The following DNMBP variants were observed in gnomAD, a reference collection of about 807,000 sequenced individuals.
The protein encoded by DNMBP is dynamin-binding protein.
A neutral mutation model predicts 150.0 loss-of-function variants in DNMBP; 87 were observed. That is an observed-to-expected ratio of 0.58 (90% CI 0.49 to 0.69). The LOEUF is 0.69. DNMBP is among the 30% of genes least tolerant of loss of function. The probability of loss-of-function intolerance (pLI) is 0.00; values close to 1 mark genes in which losing one functional copy is unlikely to be tolerated. For synonymous variants in DNMBP, 711 were observed against 750.4 expected (o/e 0.95, Z 0.86); for missense variants, 1,774 against 1,949.0 (o/e 0.91, Z 1.69).
intron 4 of DNMBP, among the ~76,000 whole-genome samples, chr10:99,912,138 CTGAGGTTATATAG>C (rs1307397759): frequency 6.6e-6 from 1 of 152,136 alleles, no homozygotes; most frequent in East Asian, 1.9e-4. Context: ...ACAAACTTGT[CTGAGGTTATATAG>C]TGAGTAAATG....
rs2040130976 is a variant in DNMBP, at chr10:99,930,055, C to T, written c.2261-20909G>A. 4 of 702,968 alleles carry T rather than the reference C, an allele frequency of 5.7e-6. No individual in the cohort carries two copies. In the Admixed American group the frequency reaches 8.0e-5, roughly 14 times the overall value. 43.5% of individuals were successfully genotyped at this position (702,968 alleles called of 1,614,324 possible). A position where few individuals can be genotyped will look rare whatever the true frequency, so the allele number is the denominator to read the frequency against. On this transcript the variant is annotated intron_variant, in intron 4 of 16. Transcript: ENST00000324109. ...TCATTTTGATGAACATTCCTGTCCC[C>T]TTCATGGTATTTGATAAATTCCTTA...
chr10:99,902,166 C>T (rs368434375), intron 6 of DNMBP, among the ~76,000 whole-genome samples: 3 of 152,032 alleles, frequency 2.0e-5, no homozygotes, highest in Non-Finnish European at 2.9e-5. Context: ...GCTGGGATAA[C>T]GGGCGTGAGT....
chr10:99,911,733 C>T (rs2039902877), intron 4 of DNMBP, among the ~76,000 whole-genome samples: 2 of 152,108 alleles, frequency 1.3e-5, no homozygotes, highest in Non-Finnish European at 2.9e-5. Flanking sequence ...TAAGACATAA[C>T]AGAAAAAGCT....
intron 3 of DNMBP, among the ~76,000 whole-genome samples, chr10:99,959,034 C>G (rs889146365): frequency 2.6e-5 from 4 of 152,096 alleles, no homozygotes; most frequent in African/African-American, 4.8e-5. Context: ...TCACATAATT[C>G]CATGAAAACA....
intron 4 of DNMBP, among the ~76,000 whole-genome samples, chr10:99,945,222 G>A (rs988202333): frequency 6.6e-6 from 1 of 152,164 alleles, no homozygotes; most frequent in African/African-American, 2.4e-5. Flanking sequence ...AACAAGAGAA[G>A]GTACTAGGAT....
chr10:99,940,798 A>G (rs1309248827), intron 4 of DNMBP, among the ~76,000 whole-genome samples: 1 of 152,204 alleles, frequency 6.6e-6, no homozygotes, highest in Non-Finnish European at 1.5e-5. Flanking sequence ...CCCTTCAGTG[A>G]AACTGCTCTT....
chr10:99,915,108 A>AAAAATATATATATATATATAT (rs10654940), intron 4 of DNMBP, among the ~76,000 whole-genome samples: 9 of 99,792 alleles, frequency 9.0e-5, no homozygotes, highest in African/African-American at 4.0e-4. Flanking sequence ...AAAAAAAAAA[A>AAAAATATATATATATATATAT]ATATATATAT....
At chr10:99,958,524 G>T (rs1338705953) in intron 3 of DNMBP, 1 of 152,188 alleles carries the variant, frequency 6.6e-6, no homozygotes, top group Non-Finnish European at 1.5e-5. Flanking sequence ...AAATGAAAGT[G>T]AGTCTGAAAC....
chr10:99,933,606 C>T (rs2040185746), intron 4 of DNMBP, among the ~76,000 whole-genome samples: 1 of 152,156 alleles, frequency 6.6e-6, no homozygotes, highest in Non-Finnish European at 1.5e-5. Flanking sequence ...AGTTATGGCA[C>T]GCTTTTATTC....
chr10:99,899,803 T>C (rs999223958), intron 7 of DNMBP, 116 bp downstream of exon 7: 36 of 1,143,742 alleles, frequency 3.1e-5, no homozygotes, highest in Non-Finnish European at 4.3e-5. Context: ...AAATGATATA[T>C]ATCATGGATA....
chr10:99,908,151 A>G (rs2133244298), intron 5 of DNMBP, 57 bp from the exon 6 acceptor site: 3 of 1,249,530 alleles, frequency 2.4e-6, no homozygotes, highest in Non-Finnish European at 2.3e-6. Context: ...TGGCATTTCA[A>G]TCATCTTAGG....
intron 4 of DNMBP, among the ~76,000 whole-genome samples, chr10:99,951,524 G>A (rs1158319144): frequency 2.0e-5 from 3 of 152,202 alleles, no homozygotes; most frequent in Admixed American, 6.5e-5. Context: ...AGAGCCACAG[G>A]GGCAGAGCCG....
chr10:99,993,183 C>G (rs1285035694), intron 1 of DNMBP, among the ~76,000 whole-genome samples: 1 of 152,178 alleles, frequency 6.6e-6, no homozygotes, highest in Non-Finnish European at 1.5e-5. Flanking sequence ...TTATCATTAT[C>G]TGCATTAAAG....
chr10:99,907,219 T>G (rs978042970), intron 6 of DNMBP, among the ~76,000 whole-genome samples: 1 of 151,694 alleles, frequency 6.6e-6, no homozygotes, highest in Non-Finnish European at 1.5e-5. Context: ...CCCAGCTATG[T>G]GGGAGACCAA....
intron 4 of DNMBP, among the ~76,000 whole-genome samples, chr10:99,953,962 C>G (rs1459626906): frequency 6.6e-6 from 1 of 152,076 alleles, no homozygotes. Context: ...CCCATCTGCA[C>G]CACTGCTATG....
At chr10:99,914,198 G>A (rs79879601) in intron 4 of DNMBP, 992 of 1,065,750 alleles carry the variant, frequency 9.3e-4, no homozygotes, top group African/African-American at 9.0e-3. Flanking sequence ...GTGCACCAGC[G>A]GGCCCAGCAG....
chr10:99,925,574 C>T (rs1280272546), intron 4 of DNMBP, among the ~76,000 whole-genome samples: 1 of 152,072 alleles, frequency 6.6e-6, no homozygotes, highest in African/African-American at 2.4e-5. Flanking sequence ...CACCAACATG[C>T]CCAGCTAATT....
intron 6 of DNMBP, among the ~76,000 whole-genome samples, chr10:99,901,842 T>G (rs144699928): frequency 3.9e-4 from 59 of 152,300 alleles, no homozygotes; most frequent in African/African-American, 1.3e-3. Flanking sequence ...GCTGCTTCTG[T>G]GGACTCACCT....
At chr10:99,903,530 ACCTGGTTGGTCAG>A (rs1215723518) in intron 6 of DNMBP, among the ~76,000 whole-genome samples, 1 of 151,440 alleles carries the variant, frequency 6.6e-6, no homozygotes, top group African/African-American at 2.4e-5. Flanking sequence ...ATGGTGTTTC[ACCTGGTTGGTCAG>A]GCTGGTCTCG....
Sources: gnomAD v4.1 joint callset for allele counts (sites outside exome capture counted in the v4.1 genomes callset) on GRCh38, gnomAD v4.1.1 for gene constraint, MANE v1.5 for transcripts, NCBI Gene and HGNC (gene_info 2026-07-23, HGNC 2026-07-21) for gene names.